The following THSD7A variants were observed in gnomAD, a reference collection of about 807,000 sequenced individuals.
THSD7A encodes the protein thrombospondin type 1 domain containing 7A.
Under a neutral mutation model 231.3 loss-of-function variants are expected in THSD7A, and 96 were observed. The ratio of observed to expected loss-of-function variants is 0.41; its 90% CI spans 0.35 to 0.49. The LOEUF is 0.49. THSD7A is among the 20% of genes least tolerant of loss of function. The pLI is 0.05. For synonymous variants in THSD7A, 940 were observed against 743.3 expected, an observed-to-expected ratio of 1.26 and a Z score of -4.30; for missense variants, 2,290 against 2,070.2, an observed-to-expected ratio of 1.11 and a Z score of -2.06.
At chr7:11,804,651 C>G (rs1562567444) in intron 1 of THSD7A, among the ~76,000 whole-genome samples, 1 of 152,138 alleles carries the variant, frequency 6.6e-6, no homozygotes, top group Non-Finnish European at 1.5e-5. Context: ...AATCATGTGA[C>G]TTTCTATTCC....
At chr7:11,534,299 T>G (rs962656506) in intron 6 of THSD7A, among the ~76,000 whole-genome samples, 11 of 152,204 alleles carry the variant, frequency 7.2e-5, no homozygotes, top group African/African-American at 2.4e-5. Context: ...ATCTGGATTG[T>G]CACTTGTGAC....
chr7:11,719,108 T>A (rs1183867017), intron 1 of THSD7A, among the ~76,000 whole-genome samples: 1 of 151,562 alleles, frequency 6.6e-6, no homozygotes, highest in Non-Finnish European at 1.5e-5. Flanking sequence ...GAAGGCCAAG[T>A]GTCTCATTTT....
chr7:11,386,978 C>CATTG (rs1393542734), intron 23 of THSD7A, among the ~76,000 whole-genome samples: 1 of 152,144 alleles, frequency 6.6e-6, no homozygotes, highest in African/African-American at 2.4e-5. Flanking sequence ...ATCCTTTCCC[C>CATTG]ATTGATTGTT....
intron 8 of THSD7A, among the ~76,000 whole-genome samples, 193 bp from the exon 9 acceptor site, chr7:11,470,187 A>G (rs1036333037): frequency 2.4e-4 from 36 of 152,280 alleles, no homozygotes; most frequent in African/African-American, 7.7e-4. Context: ...CCGGACCTCA[A>G]TAAAGCCTCT....
At chr7:11,579,490 G>C (rs1168532588) in intron 4 of THSD7A, among the ~76,000 whole-genome samples, 1 of 152,146 alleles carries the variant, frequency 6.6e-6, no homozygotes, top group Non-Finnish European at 1.5e-5. Context: ...GTTACAAAAA[G>C]CACGGATACT....
chr7:11,824,836 G>T (rs979568911), intron 1 of THSD7A, among the ~76,000 whole-genome samples: 4 of 152,102 alleles, frequency 2.6e-5, no homozygotes, highest in African/African-American at 4.8e-5. Flanking sequence ...GCATTTAATT[G>T]AGAATTGATA....
chr7:11,615,365 T>C (rs950081285), intron 2 of THSD7A, among the ~76,000 whole-genome samples: 2 of 152,174 alleles, frequency 1.3e-5, no homozygotes, highest in African/African-American at 4.8e-5. Context: ...TGGAGCTGTC[T>C]CCTCGTGGAG....
At chr7:11,788,727 C>T (rs1783863483) in intron 1 of THSD7A, among the ~76,000 whole-genome samples, 1 of 151,910 alleles carries the variant, frequency 6.6e-6, no homozygotes. Flanking sequence ...ATTTTTACTA[C>T]TCACTTGGGT....
chr7:11,706,629 G>GTTTTTTTTTTTTTTTTTTT (rs1780775506), intron 1 of THSD7A, among the ~76,000 whole-genome samples: 1 of 54,392 alleles, frequency 1.8e-5, no homozygotes, highest in Non-Finnish European at 3.8e-5. Flanking sequence ...TTAACAAGGT[G>GTTTTTTTTTTTTTTTTTTT]CTTTTTTTTT....
At chr7:11,547,546 C>T (rs1376456859) in intron 4 of THSD7A, among the ~76,000 whole-genome samples, 1 of 152,200 alleles carries the variant, frequency 6.6e-6, no homozygotes. Context: ...ACAGAATATA[C>T]ATTCTTCTCA....
chr7:11,413,339 C>G (rs981212492), intron 17 of THSD7A, among the ~76,000 whole-genome samples: 1 of 149,990 alleles, frequency 6.7e-6, no homozygotes, highest in Admixed American at 6.7e-5. Flanking sequence ...CCAAATGGAC[C>G]CCCTCTTGGC....
chr7:11,566,968 G>GA (rs1269480989), intron 4 of THSD7A, among the ~76,000 whole-genome samples: 7 of 55,920 alleles, frequency 1.3e-4, no homozygotes, highest in African/African-American at 2.2e-4. Context: ...GGGAGAGTGG[G>GA]GGGGGGACTG....
intron 1 of THSD7A, among the ~76,000 whole-genome samples, chr7:11,756,326 G>A (rs1434958485): frequency 6.6e-6 from 1 of 152,126 alleles, no homozygotes; most frequent in Non-Finnish European, 1.5e-5. Flanking sequence ...AAGACTGGAT[G>A]TGTATAGAAA....
chr7:11,539,756 A>T (rs1789063835), intron 6 of THSD7A, among the ~76,000 whole-genome samples: 1 of 152,214 alleles, frequency 6.6e-6, no homozygotes. Flanking sequence ...TCATTGTACT[A>T]AGTGGACTAA....
intron 23 of THSD7A, among the ~76,000 whole-genome samples, chr7:11,392,327 T>C (rs1439984768): frequency 1.3e-5 from 2 of 151,824 alleles, no homozygotes; most frequent in African/African-American, 4.8e-5. Flanking sequence ...AGGGAAGCCA[T>C]GAGGAATGGT....
chr7:11,651,438 T>G (rs1782496877), intron 1 of THSD7A, among the ~76,000 whole-genome samples: 1 of 151,976 alleles, frequency 6.6e-6, no homozygotes. Flanking sequence ...ATAGTAAATT[T>G]TATGTTTTCT....
rs1216397695 is a variant in THSD7A at position 11,374,079 on chromosome 7, A to AAT, written c.*1713_*1714dup. The stretch of plus-strand genomic sequence containing the variant: ...TGTAAATTCTCACCTTTGAAAAATG[A>AAT]ATGAAAACGAAAGATGACACCATGG... On this transcript the variant is annotated 3_prime_UTR_variant, in exon 28 of 28. Transcript: ENST00000423059. 1 of 152,128 alleles carries AAT rather than the reference A, an allele frequency of 6.6e-6. No homozygotes were observed. Among genetic ancestry groups the AAT allele is most frequent in the Non-Finnish European group, 1.5e-5 (1 of 67,992 alleles). 9.4% of individuals were successfully genotyped at this position (152,128 alleles called of 1,614,324 possible).
At chr7:11,599,381 G>A (rs1554347171) in intron 2 of THSD7A, among the ~76,000 whole-genome samples, 1 of 152,196 alleles carries the variant, frequency 6.6e-6, no homozygotes, top group Non-Finnish European at 1.5e-5. Flanking sequence ...ATCAATACCA[G>A]CTACGACCAC....
chr7:11,441,058 G>A (rs1784788510), intron 13 of THSD7A, among the ~76,000 whole-genome samples: 1 of 151,988 alleles, frequency 6.6e-6, no homozygotes, highest in South Asian at 2.1e-4. Flanking sequence ...CCAGTAGGTT[G>A]TAACTCTTTA....
Sources: allele counts gnomAD v4.1 joint callset (sites outside exome capture counted in the v4.1 genomes callset), GRCh38; gene constraint gnomAD v4.1.1; transcripts MANE v1.5; gene names NCBI Gene and HGNC (gene_info 2026-07-23, HGNC 2026-07-21).